Variants in LIMA1 observed in about 807,000 individuals in gnomAD.
The protein encoded by LIMA1 is LIM domain and actin binding 1.
A neutral mutation model predicts 62.6 loss-of-function variants in LIMA1; 52 were observed. That is an observed-to-expected ratio of 0.83 (90% CI 0.67 to 1.05). LIMA1 has a LOEUF of 1.05. LIMA1 is among the 50% of genes least tolerant of loss of function. The pLI, the probability that LIMA1 is intolerant of heterozygous loss-of-function variation, is 0.00. For missense variants in LIMA1, 780 were observed against 902.2 expected, an observed-to-expected ratio of 0.86 and a Z score of 1.74; for synonymous variants, 302 against 317.8, an observed-to-expected ratio of 0.95 and a Z score of 0.53.
At chr12:50,267,237 T>C (rs1044755916) in intron 1 of LIMA1, among the ~76,000 whole-genome samples, 4 of 151,958 alleles carry the variant, frequency 2.6e-5, no homozygotes, top group African/African-American at 9.7e-5. Flanking sequence ...GTCCGGCTAA[T>C]TTTATATGTA....
At chr12:50,204,721 T>C (rs1287349187) in intron 5 of LIMA1, 21 bp from the exon 6 acceptor site, 7 of 1,612,432 alleles carry the variant, frequency 4.3e-6, no homozygotes, top group East Asian at 4.5e-5. Context: ...CCAAATAACA[T>C]GTTTTATTTT....
chr12:50,240,040 AC>A lies in LIMA1; in HGVS notation c.120-8331del, dbSNP rs1278702857. 7.8e-4 allele frequency among the ~76,000 whole-genome samples: 118 copies of A among 150,506 alleles called. 2 individuals carry two copies. Among genetic ancestry groups the A allele is most frequent in the South Asian group, 2.2e-3 (10 of 4,594 alleles). On this transcript the variant is annotated intron_variant, in intron 2 of 10. Transcript: ENST00000341247. ...ACATAACATAACATAACATAACATA[AC>A]ATAACATAACATAACATAAAATAAA... is the stretch of plus-strand genomic sequence containing the variant.
At chr12:50,258,046 G>C (rs1702481831) in intron 1 of LIMA1, among the ~76,000 whole-genome samples, 1 of 151,966 alleles carries the variant, frequency 6.6e-6, no homozygotes. Context: ...CCTGTTTTTT[G>C]TTTGTTTTGT....
chr12:50,221,957 G>C, intron 4 of LIMA1, 64 bp downstream of exon 4: 6 of 1,427,218 alleles, frequency 4.2e-6, no homozygotes, highest in Non-Finnish European at 5.7e-6. Context: ...AGCTAGATTG[G>C]AAAAACAGCT....
intron 6 of LIMA1, among the ~76,000 whole-genome samples, chr12:50,203,422 T>C (rs1367267540): frequency 6.6e-6 from 1 of 151,914 alleles, no homozygotes; most frequent in Non-Finnish European, 1.5e-5. Context: ...AATCTTTTTT[T>C]TTTTTCCTGG....
intron 2 of LIMA1, among the ~76,000 whole-genome samples, chr12:50,232,043 CTTTTTTTTTTT>C (rs750844822): frequency 2.4e-5 from 2 of 83,452 alleles, no homozygotes; most frequent in Non-Finnish European, 4.4e-5. Flanking sequence ...GAGTGCCCAG[CTTTTTTTTTTT>C]TTTTTTTTTT....
intron 4 of LIMA1, 111 bp downstream of exon 4, chr12:50,221,910 A>C: frequency 1.2e-6 from 1 of 852,942 alleles, no homozygotes; most frequent in Non-Finnish European, 1.9e-6. Flanking sequence ...CTGGAATCAA[A>C]AGACATACTG....
At chr12:50,212,853 C>T (rs757688383) in intron 4 of LIMA1, among the ~76,000 whole-genome samples, 12 of 152,086 alleles carry the variant, frequency 7.9e-5, no homozygotes, top group South Asian at 4.1e-4. Flanking sequence ...CTTGCTCTGT[C>T]GCCCAGGATG....
intron 3 of LIMA1, chr12:50,222,812 G>T: frequency 1.5e-6 from 1 of 674,192 alleles, no homozygotes; most frequent in Non-Finnish European, 2.0e-6. Context: ...AGATTAATGG[G>T]GAAAAAAACA....
intron 4 of LIMA1, among the ~76,000 whole-genome samples, chr12:50,217,230 C>T (rs1314976445): frequency 2.0e-5 from 3 of 151,822 alleles, no homozygotes; most frequent in Non-Finnish European, 4.4e-5. Flanking sequence ...AGCAAGCACC[C>T]CAAAAATCCC....
At chr12:50,220,514 A>G (rs1227297401) in intron 4 of LIMA1, 1 of 152,192 alleles carries the variant, frequency 6.6e-6, no homozygotes, top group Non-Finnish European at 1.5e-5. Flanking sequence ...AGTCCCAGTC[A>G]TTTCCTACCT....
intron 1 of LIMA1, among the ~76,000 whole-genome samples, chr12:50,260,807 A>C (rs1244332709): frequency 6.6e-6 from 1 of 151,602 alleles, no homozygotes; most frequent in Non-Finnish European, 1.5e-5. Flanking sequence ...TAACACAGGG[A>C]CACATTTTGG....
intron 6 of LIMA1, 132 bp from the exon 7 acceptor site, chr12:50,201,016 A>G: frequency 6.9e-7 from 1 of 1,443,862 alleles, no homozygotes; most frequent in Non-Finnish European, 9.0e-7. Flanking sequence ...TCAACCCCCT[A>G]ACTCTCACAA....
At chr12:50,203,146 AT>A (rs1941086280) in intron 6 of LIMA1, among the ~76,000 whole-genome samples, 1 of 150,258 alleles carries the variant, frequency 6.7e-6, no homozygotes, top group Non-Finnish European at 1.5e-5. Context: ...AGTAGCTGGG[AT>A]TACAGGTGTG....
chr12:50,177,022 TA>T lies in LIMA1; in HGVS notation c.*41del. On this transcript the variant is annotated 3_prime_UTR_variant, in exon 11 of 11. Coordinates refer to ENST00000341247, the MANE Select transcript of LIMA1 (RefSeq NM_016357.5). Reference sequence around the variant, plus strand: ...ATTTTGACAAAGGGCAGTGGCTCGCTAACACTAACATGAATTTAAGGCCCAG... The same window carrying T: ...ATTTTGACAAAGGGCAGTGGCTCGCTACACTAACATGAATTTAAGGCCCAG... 6.8e-7 allele frequency: 1 copy of T among 1,472,088 alleles called. No homozygotes were observed. Among genetic ancestry groups the T allele is most frequent in the Non-Finnish European group, 9.0e-7 (1 of 1,106,796 alleles). 91.2% of individuals were successfully genotyped at this position (1,472,088 alleles called of 1,614,324 possible).
At chr12:50,193,532 A>G (rs1257160224) in intron 8 of LIMA1, among the ~76,000 whole-genome samples, 7 of 130,924 alleles carry the variant, frequency 5.3e-5, no homozygotes, top group Admixed American at 2.6e-4. Context: ...ATACACATAT[A>G]TGATATATAT....
chr12:50,180,434 C>T (rs1283843334), intron 10 of LIMA1, among the ~76,000 whole-genome samples: 1 of 152,096 alleles, frequency 6.6e-6, no homozygotes, highest in Non-Finnish European at 1.5e-5. Flanking sequence ...AGGATCACAC[C>T]ACTGCACTCC....
In LIMA1 at chr12:50,201,661, C is replaced by T. The variant is rs568842327; in HGVS notation, c.865-777G>A. 9.1e-4 allele frequency: 372 copies of T among 410,902 alleles called. 4 individuals are homozygous for T. Among genetic ancestry groups the T allele is most frequent in the Admixed American group, 2.1e-3 (32 of 15,574 alleles). 25.5% of individuals were successfully genotyped at this position (410,902 alleles called of 1,614,324 possible). On this transcript the variant is annotated intron_variant, in intron 6 of 10. Coordinates refer to ENST00000341247, the MANE Select transcript of LIMA1 (RefSeq NM_016357.5). The stretch of plus-strand genomic sequence containing the variant: ...CCTGTAATCCCAGCACTTTGGGAAG[C>T]TGAGGCGGGTGGATCGCCTGAGGTC...
In LIMA1 at chr12:50,177,008, G is replaced by T; in HGVS notation, c.*56C>A. 2 of 1,369,598 alleles carry T rather than the reference G, an allele frequency of 1.5e-6. No individual in the cohort carries two copies. The highest frequency in any genetic ancestry group is 2.0e-6 in the Non-Finnish European group (2 of 1,022,838). 84.8% of individuals were successfully genotyped at this position (1,369,598 alleles called of 1,614,324 possible). A position where few individuals can be genotyped will look rare whatever the true frequency, so the allele number is the denominator to read the frequency against. On this transcript the variant is annotated 3_prime_UTR_variant, in exon 11 of 11. Coordinates refer to ENST00000341247, the MANE Select transcript of LIMA1 (RefSeq NM_016357.5). ...CTTATGTGCATCACATTTTGACAAA[G>T]GGCAGTGGCTCGCTAACACTAACAT...
Sources: allele counts gnomAD v4.1 joint callset (sites outside exome capture counted in the v4.1 genomes callset), GRCh38; gene constraint gnomAD v4.1.1; transcripts MANE v1.5; gene names NCBI Gene and HGNC (gene_info 2026-07-23, HGNC 2026-07-21).